Variants in ZFHX4 observed in about 807,000 individuals in gnomAD.
The protein encoded by ZFHX4 is zinc finger homeobox protein 4.
In ZFHX4, 56 loss-of-function variants were observed where a neutral mutation model predicts 267.6. The observed-to-expected ratio is 0.21, with a 90% confidence interval of 0.17 to 0.26. ZFHX4 has a LOEUF of 0.26. Among genes scored for constraint, ZFHX4 ranks in the 10% least tolerant of loss-of-function variants. The pLI is 1.00. For missense variants in ZFHX4, 4,332 were observed against 4,420.0 expected, an observed-to-expected ratio of 0.98 and a Z score of 0.56; for synonymous variants, 1,778 against 1,665.6, an observed-to-expected ratio of 1.07 and a Z score of -1.64.
At chr8:76,714,351 G>A (rs571306175) in intron 3 of ZFHX4, among the ~76,000 whole-genome samples, 1 of 152,200 alleles carries the variant, frequency 6.6e-6, no homozygotes, top group Non-Finnish European at 1.5e-5. Context: ...GGAGGAGCTG[G>A]CATGTGTATA....
At chr8:76,744,770 T>C (rs1367484670) in intron 3 of ZFHX4, among the ~76,000 whole-genome samples, 3 of 152,140 alleles carry the variant, frequency 2.0e-5, no homozygotes, top group Non-Finnish European at 4.4e-5. Flanking sequence ...TTAGATAAAA[T>C]GAAAATGAAA....
chr8:76,717,727 G>A (rs143281765), intron 3 of ZFHX4, among the ~76,000 whole-genome samples: 2,144 of 152,214 alleles, frequency 0.014, 60 homozygotes, highest in African/African-American at 0.049. Flanking sequence ...CTCCCAAGTA[G>A]CTAAGATCAC....
chr8:76,794,277 A>G (rs1810914308), intron 4 of ZFHX4, among the ~76,000 whole-genome samples: 3 of 152,162 alleles, frequency 2.0e-5, no homozygotes, highest in Non-Finnish European at 4.4e-5. Flanking sequence ...TGATACTAAG[A>G]TGAATGCAGG....
chr8:76,863,410 T>G lies in ZFHX4; in HGVS notation c.9696T>G (p.Val3232=), dbSNP rs1160409328. The G allele has an allele frequency of 6.2e-7, 1 of 1,613,968 alleles. No individual in the cohort carries two copies. Among genetic ancestry groups the G allele is most frequent in the East Asian group, 2.2e-5 (1 of 44,886 alleles). ...ISSALSVLGK[V]VGETHVDPIQ... is the part of the protein sequence containing the mutation. Reference sequence around the variant, plus strand: ...CTGCTCTTTCAGTGTTGGGCAAAGTTGTAGGTGAAACACATGTCGATCCTA... The same window carrying G: ...CTGCTCTTTCAGTGTTGGGCAAAGTGGTAGGTGAAACACATGTCGATCCTA... Residue 3232 remains valine (V), a synonymous_variant, in exon 11 of 11, where the codon GTT becomes GTG. Transcript: ENST00000651372.
At chr8:76,783,841 A>C (rs973429444) in intron 4 of ZFHX4, among the ~76,000 whole-genome samples, 2 of 152,010 alleles carry the variant, frequency 1.3e-5, no homozygotes, top group African/African-American at 4.8e-5. Context: ...AATATCAATA[A>C]ATATATTAAG....
intron 4 of ZFHX4, among the ~76,000 whole-genome samples, chr8:76,823,442 A>G (rs1811706211): frequency 6.6e-6 from 1 of 152,192 alleles, no homozygotes; most frequent in African/African-American, 2.4e-5. Flanking sequence ...ATTGTCTTGA[A>G]AATTCATAGC....
At chr8:76,740,290 G>A (rs532738358) in intron 3 of ZFHX4, among the ~76,000 whole-genome samples, 1 of 151,644 alleles carries the variant, frequency 6.6e-6, no homozygotes, top group Admixed American at 6.6e-5. Flanking sequence ...AAGGAAGAAA[G>A]GAGTAGGAGA....
At chr8:76,783,662 G>A (rs1242212420) in intron 4 of ZFHX4, among the ~76,000 whole-genome samples, 1 of 151,954 alleles carries the variant, frequency 6.6e-6, no homozygotes, top group Non-Finnish European at 1.5e-5. Context: ...ATTTCAAAAT[G>A]TAAGATAGCC....
rs76717412 is a variant in ZFHX4 at position 76,739,636 on chromosome 8, A to C, written c.3093+31588A>C. On this transcript the variant is annotated intron_variant, in intron 3 of 10. Coordinates refer to ENST00000651372, the MANE Select transcript of ZFHX4 (RefSeq NM_024721.5). The stretch of plus-strand genomic sequence containing the variant: ...TTTTATAGGATTGATGCATGCAAAG[A>C]TGGGGGTAAGCAGGGAGGGATAATA... Among the ~76,000 whole-genome samples, 11 of 152,232 alleles carry C rather than the reference A, an allele frequency of 7.2e-5. No individual in the cohort carries two copies. In the East Asian group the frequency reaches 1.9e-3, roughly 27 times the overall value.
chr8:76,711,929 T>A (rs1808434810), intron 3 of ZFHX4, among the ~76,000 whole-genome samples: 1 of 152,342 alleles, frequency 6.6e-6, no homozygotes, highest in Non-Finnish European at 1.5e-5. Context: ...AGAAATACTC[T>A]TGCTGCATCT....
chr8:76,735,871 A>G (rs1809146022), intron 3 of ZFHX4, among the ~76,000 whole-genome samples: 1 of 152,064 alleles, frequency 6.6e-6, no homozygotes. Flanking sequence ...TGCAGCAGAC[A>G]TGCACTTATG....
intron 4 of ZFHX4, among the ~76,000 whole-genome samples, chr8:76,828,267 A>AT (rs745943220): frequency 3.2e-3 from 469 of 145,370 alleles, no homozygotes; most frequent in African/African-American, 9.0e-3. Context: ...GATGTGAGCT[A>AT]TTTTTTTTTT....
At chr8:76,795,860 T>C (rs1200801146) in intron 4 of ZFHX4, among the ~76,000 whole-genome samples, 2 of 152,160 alleles carry the variant, frequency 1.3e-5, no homozygotes, top group Non-Finnish European at 2.9e-5. Flanking sequence ...GCATGTTTTT[T>C]AGTTGAAGGC....
intron 1 of ZFHX4, among the ~76,000 whole-genome samples, chr8:76,694,286 T>C (rs1403405032): frequency 6.6e-6 from 1 of 152,216 alleles, no homozygotes; most frequent in African/African-American, 2.4e-5. Flanking sequence ...AAGGAAACTA[T>C]TGCCTCTTTC....
chr8:76,827,088 G>T (rs1811805580), intron 4 of ZFHX4, among the ~76,000 whole-genome samples: 1 of 152,240 alleles, frequency 6.6e-6, no homozygotes, highest in Admixed American at 6.5e-5. Flanking sequence ...CCATAAGGCA[G>T]TGGTCTCCAA....
intron 4 of ZFHX4, among the ~76,000 whole-genome samples, chr8:76,805,866 A>T (rs895339262): frequency 2.1e-4 from 32 of 152,076 alleles, no homozygotes; most frequent in Admixed American, 1.6e-3. Flanking sequence ...GGAAAAAAAA[A>T]GGTTTAAATA....
At chr8:76,833,475 T>C in intron 5 of ZFHX4, 69 bp downstream of exon 5, 2 of 1,208,394 alleles carry the variant, frequency 1.7e-6, no homozygotes, top group Non-Finnish European at 1.2e-6. Flanking sequence ...ACTCTCATAA[T>C]TGATGGAATA....
At chr8:76,847,000 C>T (rs1460867717) in intron 6 of ZFHX4, among the ~76,000 whole-genome samples, 1 of 152,102 alleles carries the variant, frequency 6.6e-6, no homozygotes, top group Non-Finnish European at 1.5e-5. Context: ...GAGTATTATT[C>T]TCCTAAGGAA....
At position 76,854,831 on chromosome 8, in the gene ZFHX4, A is replaced by C. The variant is rs760041180; in HGVS notation, c.7910A>C (p.His2637Pro). The change falls in exon 10 of 11, where the codon CAT (histidine) becomes CCT (proline). Residue 2637 changes from histidine to proline, a missense_variant. Physicochemically the swap from His to Pro is moderately conservative, Grantham distance 77. Around this residue, in one of 7 missense-constraint regions of ZFHX4, gnomAD observed 1,648 missense variants for 1,625.0 expected, o/e 1.01. Coordinates refer to ENST00000651372, the MANE Select transcript of ZFHX4 (RefSeq NM_024721.5). ...AATCCTACCAGAAAAATGCTTGATC[A>C]TATTGCCCGCGAAGTCGGGCTGAAA... ...DSNPTRKMLD[H>P]IAREVGLKKR... is the part of the protein sequence containing the mutation. The C allele has an allele frequency of 3.1e-6, 5 of 1,611,064 alleles. No individual in the cohort carries two copies. The South Asian group carries it at 4.4e-5, about 14-fold the overall frequency.
Sources: gnomAD v4.1 joint callset for allele counts (sites outside exome capture counted in the v4.1 genomes callset) on GRCh38, gnomAD v4.1.1 for gene constraint, gnomAD v4.1.1 regional missense constraint, MANE v1.5 for transcripts, NCBI Gene and HGNC (gene_info 2026-07-23, HGNC 2026-07-21) for gene names.